RAD51B: variants seen among roughly 807,000 people sequenced by gnomAD.
RAD51B encodes the protein RAD51 paralog B.
A neutral mutation model predicts 42.2 loss-of-function variants in RAD51B; 38 were observed. The observed-to-expected ratio is 0.90, with a 90% CI of 0.70 to 1.18. RAD51B has a LOEUF of 1.18. Ranked by LOEUF, RAD51B falls within the 50% of genes most tolerant of loss-of-function variation. RAD51B has a pLI of 0.00. For synonymous variants in RAD51B, 154 were observed against 145.2 expected (o/e 1.06, Z -0.43); for missense variants, 373 against 400.7 (o/e 0.93, Z 0.59).
In RAD51B at chr14:68,468,189, C is replaced by A. The variant is rs2086033211; in HGVS notation, c.975C>A (p.Ser325=). Residue 325 remains serine (S), a synonymous_variant, in exon 10 of 11, where the codon TCC becomes TCA. Coordinates refer to ENST00000471583, the MANE Select transcript of RAD51B (RefSeq NM_133510.4). The part of the protein sequence containing the change: ...SERRQILIAK[S]PLAPFTSFVY... ...ATGTGCAGATTCTTATTGCCAAGTC[C>A]CCTCTGGCTCCCTTCACCTCATTTG... 1 of 1,613,838 alleles carries A rather than the reference C, an allele frequency of 6.2e-7. No individual in the cohort carries two copies. Among genetic ancestry groups the A allele is most frequent in the African/African-American group, 1.3e-5 (1 of 74,862 alleles).
chr14:68,540,191 TA>T lies in RAD51B; in HGVS notation c.1037-54291del, dbSNP rs71281747. 1.7e-5 allele frequency: 15 copies of T among 874,342 alleles called. No individual in the cohort carries two copies. The African/African-American group carries it at 2.7e-4, about 16-fold the overall frequency. 54.2% of individuals were successfully genotyped at this position (874,342 alleles called of 1,614,324 possible). ...CTTTTTTTTTTTTTTTTTTTTTTTT[TA>T]AATACAGGATCTAGAGAATTCAAAT... is the stretch of plus-strand genomic sequence containing the variant. On this transcript the variant is annotated intron_variant, in intron 10 of 10. Transcript: ENST00000487270.
intron 10 of RAD51B, among the ~76,000 whole-genome samples, chr14:68,504,363 T>C (rs1029053145): frequency 6.6e-6 from 1 of 152,258 alleles, no homozygotes; most frequent in African/African-American, 2.4e-5. Flanking sequence ...CCCCTCTTTG[T>C]TCACCCATAT....
intron 7 of RAD51B, among the ~76,000 whole-genome samples, chr14:68,095,916 C>G (rs1322657091): frequency 7.2e-6 from 1 of 137,952 alleles, no homozygotes; most frequent in Non-Finnish European, 1.5e-5. Context: ...GCAGAGCTTG[C>G]ATGAGCCAAG....
intron 7 of RAD51B, among the ~76,000 whole-genome samples, chr14:68,060,625 T>G (rs1264742758): frequency 6.6e-6 from 1 of 152,228 alleles, no homozygotes; most frequent in Non-Finnish European, 1.5e-5. Flanking sequence ...CGTCCAACTT[T>G]CCAATTCTGA....
chr14:68,247,279 T>C (rs2080519563), intron 7 of RAD51B, among the ~76,000 whole-genome samples: 1 of 152,192 alleles, frequency 6.6e-6, no homozygotes, highest in South Asian at 2.1e-4. Context: ...TGTATGTAAC[T>C]TGTAGGACAT....
chr14:68,063,631 G>T (rs2076604085), intron 7 of RAD51B, among the ~76,000 whole-genome samples: 1 of 152,182 alleles, frequency 6.6e-6, no homozygotes, highest in South Asian at 2.1e-4. Context: ...AGCTACTCAG[G>T]AGGCTGAGGC....
intron 7 of RAD51B, among the ~76,000 whole-genome samples, chr14:67,888,527 A>C (rs1460367849): frequency 1.3e-5 from 2 of 152,086 alleles, no homozygotes; most frequent in Admixed American, 1.3e-4. Context: ...CAGGAGGTTG[A>C]GGTTGCATTG....
chr14:68,667,611 G>C (rs762116091), intron 11 of RAD51B, among the ~76,000 whole-genome samples: 2 of 152,144 alleles, frequency 1.3e-5, no homozygotes, highest in Non-Finnish European at 2.9e-5. Context: ...GTTCAGCTTT[G>C]GATTCCCAGG....
intron 10 of RAD51B, among the ~76,000 whole-genome samples, chr14:68,496,257 C>T (rs563516645): frequency 1.3e-5 from 2 of 152,294 alleles, no homozygotes; most frequent in African/African-American, 2.4e-5. Flanking sequence ...GAAAAAGTCA[C>T]CGGAAAAAAT....
chr14:68,347,643 G>T (rs575754697), intron 8 of RAD51B, among the ~76,000 whole-genome samples: 1 of 152,358 alleles, frequency 6.6e-6, no homozygotes, highest in South Asian at 2.1e-4. Flanking sequence ...CTGCACGCCA[G>T]CCTGGATGAC....
At chr14:68,168,003 G>A (rs972244222) in intron 7 of RAD51B, among the ~76,000 whole-genome samples, 5 of 151,918 alleles carry the variant, frequency 3.3e-5, no homozygotes, top group Admixed American at 6.6e-5. Context: ...ATTCTTTTTC[G>A]TGATTTGGAC....
At chr14:68,051,204 T>C (rs920282146) in intron 7 of RAD51B, among the ~76,000 whole-genome samples, 6 of 152,022 alleles carry the variant, frequency 3.9e-5, no homozygotes, top group African/African-American at 1.4e-4. Flanking sequence ...GAAAAATTAA[T>C]ATTTGAAAAG....
intron 7 of RAD51B, among the ~76,000 whole-genome samples, chr14:68,278,987 A>T (rs1223203768): frequency 6.7e-6 from 1 of 149,752 alleles, no homozygotes; most frequent in African/African-American, 2.5e-5. Flanking sequence ...GTTTCTTTTC[A>T]TTTTTTCTTC....
chr14:68,481,143 G>T (rs569161077), downstream of RAD51B, among the ~76,000 whole-genome samples: 2 of 152,246 alleles, frequency 1.3e-5, no homozygotes, highest in South Asian at 4.1e-4. Context: ...GTTAATCTGT[G>T]TTTTCTTGTA....
At chr14:68,018,160 A>G (rs922131191) in intron 7 of RAD51B, among the ~76,000 whole-genome samples, 4 of 152,156 alleles carry the variant, frequency 2.6e-5, no homozygotes, top group African/African-American at 9.7e-5. Flanking sequence ...TTATTTGACC[A>G]TTTATAGCTT....
At chr14:68,257,014 A>G (rs1018048138) in intron 7 of RAD51B, among the ~76,000 whole-genome samples, 4 of 152,256 alleles carry the variant, frequency 2.6e-5, no homozygotes. Flanking sequence ...AGGCAATTAC[A>G]GAATGTCCCC....
intron 7 of RAD51B, among the ~76,000 whole-genome samples, chr14:68,264,490 A>T (rs955164585): frequency 6.6e-6 from 1 of 152,216 alleles, no homozygotes; most frequent in African/African-American, 2.4e-5. Flanking sequence ...GATTTGGGGT[A>T]AGCCAGTGAG....
chr14:68,384,985 A>C (rs2083562028), intron 8 of RAD51B, among the ~76,000 whole-genome samples: 1 of 152,214 alleles, frequency 6.6e-6, no homozygotes, highest in Non-Finnish European at 1.5e-5. Flanking sequence ...ACAGAGTTAC[A>C]CAGCACGACG....
chr14:68,409,737 G>A (rs909184000), intron 8 of RAD51B, among the ~76,000 whole-genome samples: 1 of 152,238 alleles, frequency 6.6e-6, no homozygotes, highest in Non-Finnish European at 1.5e-5. Flanking sequence ...AGTGCTCAGA[G>A]TGCATTGTTT....
Sources: allele counts gnomAD v4.1 joint callset (sites outside exome capture counted in the v4.1 genomes callset), GRCh38; gene constraint gnomAD v4.1.1; transcripts MANE v1.5; gene names NCBI Gene and HGNC (gene_info 2026-07-23, HGNC 2026-07-21).